The following WDR33 variants were observed in gnomAD, a reference collection of about 807,000 sequenced individuals.
WDR33 encodes pre-mRNA 3' end processing protein WDR33.
A neutral mutation model predicts 164.9 loss-of-function variants in WDR33; 47 were observed. The observed-to-expected ratio is 0.29, with a 90% confidence interval of 0.23 to 0.36. The LOEUF is 0.36. Ranked by LOEUF, WDR33 falls within the 10% of genes least tolerant of loss-of-function variation. The pLI, the probability that WDR33 is intolerant of heterozygous loss-of-function variation, is 1.00. For missense variants in WDR33, 1,137 were observed against 1,754.1 expected, an observed-to-expected ratio of 0.65 and a Z score of 6.28; for synonymous variants, 505 against 589.0, an observed-to-expected ratio of 0.86 and a Z score of 2.06.
At chr2:127,761,514 T>C (rs1382587469) in intron 7 of WDR33, among the ~76,000 whole-genome samples, 1 of 152,228 alleles carries the variant, frequency 6.6e-6, no homozygotes, top group African/African-American at 2.4e-5. Flanking sequence ...TAGAATTACT[T>C]TTAATAAATA....
In WDR33 at chr2:127,722,816, T is replaced by C. The variant is rs1686471835; in HGVS notation, c.1379-86A>G. 1.4e-6 allele frequency: 2 copies of C among 1,476,926 alleles called. No homozygotes were observed. The highest frequency in any genetic ancestry group is 2.1e-5 in the Admixed American group (1 of 46,916). The allele number at this position is 1,476,926 out of a possible 1,614,324, so 91.5% of individuals were successfully genotyped here. ...TGAACACATTATTGGAAGAATAGAT[T>C]TTAAGTATTATGTCATTTATATAAT... On this transcript the variant is annotated intron_variant, in intron 13 of 21. Transcript: ENST00000322313. This position sits in a 1 kb window ranked among gnomAD's most constrained non-coding sequence, Gnocchi z 5.1.
intron 1 of WDR33, among the ~76,000 whole-genome samples, chr2:127,808,589 T>G (rs1689519203): frequency 6.6e-6 from 1 of 152,148 alleles, no homozygotes; most frequent in African/African-American, 2.4e-5. Flanking sequence ...GGGAGATAAA[T>G]GTTACCAAAG....
rs1040070213 is a variant in WDR33, at chr2:127,707,061, G to C, written c.3782-509C>G. 2.0e-5 allele frequency among the ~76,000 whole-genome samples: 3 copies of C among 151,990 alleles called. No individual in the cohort carries two copies. The East Asian group carries it at 5.8e-4, about 29-fold the overall frequency. ...TCCTTTTCATAATTAGTAAAATAAA[G>C]TATTTCTTGAAAAAACAAAAGAAAA... On this transcript the variant is annotated intron_variant, in intron 21 of 21. Transcript: ENST00000322313.
intron 7 of WDR33, among the ~76,000 whole-genome samples, chr2:127,750,650 TAAAAAAAAAAAAAA>T (rs1174539929): frequency 0.01 from 150 of 14,952 alleles, 6 homozygotes; most frequent in African/African-American, 0.031. Context: ...AACTCCATCT[TAAAAAAAAAAAAAA>T]AAAAAAAAAA....
chr2:127,768,382 T>A, intron 3 of WDR33, 89 bp from the exon 4 acceptor site: 1 of 716,438 alleles, frequency 1.4e-6, no homozygotes, highest in Non-Finnish European at 2.1e-6. Context: ...TTTCAACATT[T>A]AAAGACAAAT....
In WDR33 at chr2:127,763,555, T is replaced by C. The variant is rs145142619; in HGVS notation, c.627-396A>G. On this transcript the variant is annotated intron_variant, in intron 6 of 21. Coordinates refer to ENST00000322313, the MANE Select transcript of WDR33 (RefSeq NM_018383.5). This position sits in a 1 kb window ranked among gnomAD's most constrained non-coding sequence, Gnocchi z 4.5. ...CACACGAATACTGCTCCCAAAATTATCATCAGCTTCTGCCTCAGACACTTC... is the reference window on the plus strand; with the variant it reads ...CACACGAATACTGCTCCCAAAATTACCATCAGCTTCTGCCTCAGACACTTC... 140 of 1,014,440 alleles carry C rather than the reference T, an allele frequency of 1.4e-4. 1 individual carries two copies. In the African/African-American group the frequency reaches 2.3e-3, roughly 17 times the overall value. 62.8% of individuals were successfully genotyped at this position (1,014,440 alleles called of 1,614,324 possible).
At chr2:127,766,208 T>C (rs1687815562) in intron 4 of WDR33, among the ~76,000 whole-genome samples, 1 of 152,236 alleles carries the variant, frequency 6.6e-6, no homozygotes, top group South Asian at 2.1e-4. Context: ...CTCATTTTCC[T>C]TAAAAGATGT....
chr2:127,751,543 C>T (rs1335166325), intron 7 of WDR33, among the ~76,000 whole-genome samples: 1 of 150,302 alleles, frequency 6.7e-6, no homozygotes, highest in Non-Finnish European at 1.5e-5. Flanking sequence ...AGAGCGAAAT[C>T]CTGTCTCTGA....
intron 1 of WDR33, among the ~76,000 whole-genome samples, chr2:127,781,389 T>C (rs1183083968): frequency 6.6e-6 from 1 of 152,300 alleles, no homozygotes; most frequent in South Asian, 2.1e-4. Flanking sequence ...ATCTTGATTA[T>C]GGTGGCGAAC....
chr2:127,799,585 A>T (rs1447656052), intron 1 of WDR33, among the ~76,000 whole-genome samples: 1 of 151,986 alleles, frequency 6.6e-6, no homozygotes, highest in Non-Finnish European at 1.5e-5. Flanking sequence ...ACTTGGGGTC[A>T]GGAGTTTAAG....
Position 127,721,220 on chromosome 2 carries a change from G to T in WDR33, c.1671+616C>A, listed in dbSNP as rs998230370. 2.0e-5 allele frequency among the ~76,000 whole-genome samples: 3 copies of T among 152,206 alleles called. No individual in the cohort carries two copies. The highest frequency in any genetic ancestry group is 2.1e-4 in the South Asian group (1 of 4,826). On this transcript the variant is annotated intron_variant, in intron 15 of 21. Coordinates refer to ENST00000322313, the MANE Select transcript of WDR33 (RefSeq NM_018383.5). The surrounding 1 kb of genome is among the most constrained non-coding windows in gnomAD (Gnocchi z 4.9). ...CCTCTGGAGTTCAAGCCATTTTCCT[G>T]CCTCAGCCGCCCATGTCACTGGGAC... is the stretch of plus-strand genomic sequence containing the variant.
Position 127,737,002 on chromosome 2 carries a change from G to A in WDR33, c.725-10225C>T, listed in dbSNP as rs775846835. 6.1e-6 allele frequency: 6 copies of A among 985,206 alleles called. No homozygotes were observed. In the African/African-American group the frequency reaches 7.0e-5, roughly 11 times the overall value. The allele number at this position is 985,206 out of a possible 1,614,324, so 61.0% of individuals were successfully genotyped here. On this transcript the variant is annotated intron_variant, in intron 7 of 21. Transcript: ENST00000322313. ...ACAATATTATTCCAAAACACTGCCT[G>A]AGGGTGTATAAAATGTGTGTCAATC...
chr2:127,763,035 T>G lies in WDR33; in HGVS notation c.724+27A>C, dbSNP rs367986152. ...ACAAATGTCTTCCCTATTTAAATAT[T>G]CCAATCAGTACTGTTAGTACACGTA... On this transcript the variant is annotated intron_variant, in intron 7 of 21. Coordinates refer to ENST00000322313, the MANE Select transcript of WDR33 (RefSeq NM_018383.5). The surrounding 1 kb of genome is among the most constrained non-coding windows in gnomAD (Gnocchi z 4.5). The G allele has an allele frequency of 9.5e-5, 153 of 1,613,682 alleles. No homozygotes were observed. Among genetic ancestry groups the G allele is most frequent in the Non-Finnish European group, 1.2e-4 (137 of 1,179,806 alleles).
In WDR33 at chr2:127,708,435, G is replaced by A. The variant is rs1393549672; in HGVS notation, c.3781+242C>T. 6.6e-6 allele frequency among the ~76,000 whole-genome samples: 1 copy of A among 152,244 alleles called. No individual in the cohort carries two copies. The highest frequency in any genetic ancestry group is 6.5e-5 in the Admixed American group (1 of 15,288). ...ACAGCAAGCCGAGCAGAGAGTGCTG[G>A]GGCATCTTGGCAGAGGGCTGAAGTG... is the stretch of plus-strand genomic sequence containing the variant. On this transcript the variant is annotated intron_variant, in intron 21 of 21. Coordinates refer to ENST00000322313, the MANE Select transcript of WDR33 (RefSeq NM_018383.5). This position sits in a 1 kb window ranked among gnomAD's most constrained non-coding sequence, Gnocchi z 6.7.
rs1206674701 is a variant in WDR33, at chr2:127,711,764, A to ATTTTTTTTT, written c.3308+1818_3308+1819insAAAAAAAAA. On this transcript the variant is annotated intron_variant, in intron 18 of 21. Transcript: ENST00000322313. ...ACCACATATACAGATATATATATAT[A>ATTTTTTTTT]TATATATATATATATATTTTTTTTT... Among the ~76,000 whole-genome samples, 27 of 74,614 alleles carry ATTTTTTTTT rather than the reference A, an allele frequency of 3.6e-4. 2 individuals are homozygous for ATTTTTTTTT. Among genetic ancestry groups the ATTTTTTTTT allele is most frequent in the African/African-American group, 3.2e-3 (26 of 8,048 alleles). The allele number at this position is 74,614 out of a possible 152,430, so 48.9% of individuals were successfully genotyped here.
intron 1 of WDR33, among the ~76,000 whole-genome samples, chr2:127,796,376 T>TA (rs1198460647): frequency 6.6e-6 from 1 of 151,840 alleles, no homozygotes; most frequent in Admixed American, 6.6e-5. Context: ...ACCTGGCTGT[T>TA]AATTTTCTCA....
Position 127,764,106 on chromosome 2 carries a change from G to C in WDR33, c.626+722C>G. 1.0e-6 allele frequency: 1 copy of C among 988,816 alleles called. No individual in the cohort carries two copies. The highest frequency in any genetic ancestry group is 1.7e-5 in the African/African-American group (1 of 57,410). 61.3% of individuals were successfully genotyped at this position (988,816 alleles called of 1,614,324 possible). On this transcript the variant is annotated intron_variant, in intron 6 of 21. Coordinates refer to ENST00000322313, the MANE Select transcript of WDR33 (RefSeq NM_018383.5). The surrounding 1 kb of genome is among the most constrained non-coding windows in gnomAD (Gnocchi z 6.2). ...CAGCAATTCTTCAGGCTTGTATTTG[G>C]AACTTTTTCCCCCAGTTTTACTATA...
In WDR33 at chr2:127,706,136, C is replaced by G. The variant is rs1686002738; in HGVS notation, c.*187G>C. 1 of 453,206 alleles carries G rather than the reference C, an allele frequency of 2.2e-6. No homozygotes were observed. Among genetic ancestry groups the G allele is most frequent in the Admixed American group, 4.2e-5 (1 of 23,854 alleles). The allele number at this position is 453,206 out of a possible 1,614,324, so 28.1% of individuals were successfully genotyped here. A position where few individuals can be genotyped will look rare whatever the true frequency, so the allele number is the denominator to read the frequency against. On this transcript the variant is annotated 3_prime_UTR_variant, in exon 22 of 22. Coordinates refer to ENST00000322313, the MANE Select transcript of WDR33 (RefSeq NM_018383.5). This position sits in a 1 kb window ranked among gnomAD's most constrained non-coding sequence, Gnocchi z 5.1. ...GCAATGAGGGTGGACAGGACAGGGC[C>G]AGCCAGGCTGGTAGCTGGCAGCAGT... is the stretch of plus-strand genomic sequence containing the variant.
In WDR33 at chr2:127,770,751, C is replaced by T; in HGVS notation, c.204+27G>A. The T allele has an allele frequency of 4.2e-6, 6 of 1,439,872 alleles. No homozygotes were observed. The highest frequency in any genetic ancestry group is 5.6e-6 in the Non-Finnish European group (6 of 1,064,946). 89.2% of individuals were successfully genotyped at this position (1,439,872 alleles called of 1,614,324 possible). ...AATAAATAAATAACCAAAGTTTGGT[C>T]ATCTGAAGCACATAAATCAGGCTTA... On this transcript the variant is annotated intron_variant, in intron 2 of 21. Transcript: ENST00000322313. This position sits in a 1 kb window ranked among gnomAD's most constrained non-coding sequence, Gnocchi z 4.9.
Sources: gnomAD v4.1 joint callset for allele counts (sites outside exome capture counted in the v4.1 genomes callset) on GRCh38, gnomAD v4.1.1 for gene constraint, Gnocchi (gnomAD v3.1) non-coding constraint, MANE v1.5 for transcripts, NCBI Gene and HGNC (gene_info 2026-07-23, HGNC 2026-07-21) for gene names.